Variants in SHC4 observed in about 807,000 individuals in gnomAD.
The protein encoded by SHC4 is SHC adaptor protein 4.
SHC4 carries 41 observed loss-of-function variants against 69.4 expected under a neutral mutation model. The observed-to-expected ratio is 0.59, with a 90% CI of 0.46 to 0.77. The LOEUF is 0.77. Among genes scored for constraint, SHC4 ranks in the 30% least tolerant of loss-of-function variants. SHC4 has a pLI of 0.00. For synonymous variants in SHC4, 318 were observed against 299.3 expected (o/e 1.06, Z -0.64); for missense variants, 777 against 783.8 (o/e 0.99, Z 0.10).
chr15:48,851,312 A>G (rs1899211170), intron 8 of SHC4, 64 bp from the exon 9 acceptor site: 2 of 1,479,364 alleles, frequency 1.4e-6, no homozygotes, highest in East Asian at 4.8e-5. Flanking sequence ...CTTAAAAGAA[A>G]AAATTTATAA....
Position 48,915,286 on chromosome 15 carries a change from C to T in SHC4, c.656+9593G>A, listed in dbSNP as rs946879668. ...AAAAGGTACAATTGGCTTTCATACC[C>T]TCTCTGTCTGCATTTGACTTTGTCA... is the stretch of plus-strand genomic sequence containing the variant. On this transcript the variant is annotated intron_variant, in intron 2 of 11. Coordinates refer to ENST00000332408, the MANE Select transcript of SHC4 (RefSeq NM_203349.4). Among the ~76,000 whole-genome samples, 3 of 152,302 alleles carry T rather than the reference C, an allele frequency of 2.0e-5. No homozygotes were observed. The East Asian group carries it at 5.8e-4, about 29-fold the overall frequency.
intron 2 of SHC4, among the ~76,000 whole-genome samples, chr15:48,912,983 G>T (rs1385959885): frequency 6.6e-6 from 1 of 151,236 alleles, no homozygotes; most frequent in African/African-American, 2.4e-5. Flanking sequence ...GCCTGTTCCA[G>T]TGGAGGGGGT....
At chr15:48,907,840 G>GTGTGTGTA (rs763689321) in intron 2 of SHC4, among the ~76,000 whole-genome samples, 68 of 142,232 alleles carry the variant, frequency 4.8e-4, no homozygotes, top group African/African-American at 1.7e-3. Context: ...GTGTGTGTGT[G>GTGTGTGTA]TATATATATA....
At chr15:48,842,257 A>G (rs1187719370) in intron 10 of SHC4, among the ~76,000 whole-genome samples, 2 of 152,184 alleles carry the variant, frequency 1.3e-5, no homozygotes, top group Non-Finnish European at 2.9e-5. Flanking sequence ...GAGCCAACTT[A>G]TTTTAGTGCT....
At chr15:48,894,788 T>A (rs996309533) in intron 2 of SHC4, among the ~76,000 whole-genome samples, 2 of 152,046 alleles carry the variant, frequency 1.3e-5, no homozygotes, top group Non-Finnish European at 2.9e-5. Context: ...ATTTATTTAA[T>A]TTTTTTGCTT....
chr15:48,855,844 G>A (rs1267852863), intron 8 of SHC4, 109 bp downstream of exon 8: 3 of 1,146,302 alleles, frequency 2.6e-6, no homozygotes. Flanking sequence ...TGTATTTGAG[G>A]AAGACAGGAC....
At chr15:48,858,452 G>A (rs913996779) in intron 6 of SHC4, among the ~76,000 whole-genome samples, 6 of 152,298 alleles carry the variant, frequency 3.9e-5, no homozygotes, top group Non-Finnish European at 7.3e-5. Flanking sequence ...GTCATTACCA[G>A]AAGATATGAG....
chr15:48,838,056 T>C (rs1898929481), intron 10 of SHC4, among the ~76,000 whole-genome samples: 1 of 152,228 alleles, frequency 6.6e-6, no homozygotes, highest in Non-Finnish European at 1.5e-5. Flanking sequence ...AATTGATATG[T>C]CCATCAATAA....
rs759553703 is a variant in SHC4 at position 48,890,895 on chromosome 15, G to T, written c.657-84C>A. On this transcript the variant is annotated intron_variant, in intron 2 of 11. Coordinates refer to ENST00000332408, the MANE Select transcript of SHC4 (RefSeq NM_203349.4). ...TTTAAGAAATGTTAGAAATTATCACGACCAAAAAGTACACATACATAATAG... is the reference window on the plus strand; with the variant it reads ...TTTAAGAAATGTTAGAAATTATCACTACCAAAAAGTACACATACATAATAG... 2.8e-6 allele frequency: 4 copies of T among 1,431,044 alleles called. No individual in the cohort carries two copies. The South Asian group carries it at 3.5e-5, about 12-fold the overall frequency. 88.6% of individuals were successfully genotyped at this position (1,431,044 alleles called of 1,614,324 possible). A position where few individuals can be genotyped will look rare whatever the true frequency, so the allele number is the denominator to read the frequency against.
chr15:48,851,622 T>C (rs1437306885), intron 8 of SHC4, among the ~76,000 whole-genome samples: 1 of 152,166 alleles, frequency 6.6e-6, no homozygotes, highest in Non-Finnish European at 1.5e-5. Context: ...CTGTCTAATT[T>C]TGAATTGGTA....
At chr15:48,877,631 C>A in intron 4 of SHC4, 2 of 875,842 alleles carry the variant, frequency 2.3e-6, no homozygotes, top group Non-Finnish European at 2.7e-6. Flanking sequence ...TATTTCTTCA[C>A]TATAACTAAA....
At chr15:48,850,301 G>A (rs900255497) in intron 9 of SHC4, among the ~76,000 whole-genome samples, 5 of 152,024 alleles carry the variant, frequency 3.3e-5, no homozygotes, top group African/African-American at 1.2e-4. Flanking sequence ...ATAGAGGAAG[G>A]TGGTAATCAT....
intron 2 of SHC4, among the ~76,000 whole-genome samples, chr15:48,915,629 G>A (rs765402836): frequency 6.6e-6 from 1 of 152,168 alleles, no homozygotes; most frequent in Admixed American, 6.5e-5. Flanking sequence ...TTTATTGCAT[G>A]GTTTATTGTT....
intron 1 of SHC4, among the ~76,000 whole-genome samples, chr15:48,939,005 A>G (rs527566241): frequency 1.3e-5 from 2 of 152,326 alleles, no homozygotes; most frequent in Admixed American, 6.5e-5. Flanking sequence ...TATGTGTTTC[A>G]TAGGGTTATT....
At chr15:48,878,052 C>T in intron 4 of SHC4, 1 of 1,268,278 alleles carries the variant, frequency 7.9e-7, no homozygotes, top group Non-Finnish European at 1.1e-6. Context: ...GGAGGCGGTA[C>T]CTGAGGACCA....
At chr15:48,942,024 A>G (rs1595765415) in intron 1 of SHC4, among the ~76,000 whole-genome samples, 4 of 152,294 alleles carry the variant, frequency 2.6e-5, no homozygotes, top group South Asian at 4.1e-4. Context: ...ATAAATAATC[A>G]GGATTGAGCC....
intron 2 of SHC4, among the ~76,000 whole-genome samples, chr15:48,898,811 C>T (rs1030312189): frequency 1.3e-5 from 2 of 152,104 alleles, no homozygotes; most frequent in African/African-American, 2.4e-5. Flanking sequence ...AAACTGATGG[C>T]TTATAGGCTT....
In SHC4 at chr15:48,876,613, T is replaced by C. The variant is rs1483199654; in HGVS notation, c.841-4471A>G. The C allele has an allele frequency of 2.6e-5, 18 of 696,970 alleles. No individual in the cohort carries two copies. The South Asian group carries it at 2.7e-4, about 10-fold the overall frequency. The allele number at this position is 696,970 out of a possible 1,614,324, so 43.2% of individuals were successfully genotyped here. A position where few individuals can be genotyped will look rare whatever the true frequency, so the allele number is the denominator to read the frequency against. On this transcript the variant is annotated intron_variant, in intron 4 of 11. Transcript: ENST00000332408. Reference sequence around the variant, plus strand: ...GAGAGAGGAGAGCCAGTCCGAGTTCTGAAACTGAAGAACTTGGGAATCCAA... The same window carrying C: ...GAGAGAGGAGAGCCAGTCCGAGTTCCGAAACTGAAGAACTTGGGAATCCAA...
At chr15:48,850,600 C>A (rs572632028) in intron 9 of SHC4, among the ~76,000 whole-genome samples, 3 of 152,180 alleles carry the variant, frequency 2.0e-5, no homozygotes, top group African/African-American at 7.2e-5. Context: ...AAATGACTAA[C>A]TCACAATATA....
Sources: allele counts gnomAD v4.1 joint callset (sites outside exome capture counted in the v4.1 genomes callset), GRCh38; gene constraint gnomAD v4.1.1; transcripts MANE v1.5; gene names NCBI Gene and HGNC (gene_info 2026-07-23, HGNC 2026-07-21).